RCAN1: variants seen among roughly 807,000 people sequenced by gnomAD.
RCAN1 encodes regulator of calcineurin 1.
A neutral mutation model predicts 22.9 loss-of-function variants in RCAN1; 11 were observed. That is an observed-to-expected ratio of 0.48 (90% CI 0.30 to 0.79). The LOEUF (loss-of-function observed/expected upper bound fraction) is 0.79. Ranked by LOEUF, RCAN1 falls within the 30% of genes least tolerant of loss-of-function variation. RCAN1 has a pLI of 0.06. For synonymous variants in RCAN1, 136 were observed against 142.3 expected (o/e 0.96, Z 0.32); for missense variants, 291 against 337.8 (o/e 0.86, Z 1.09).
chr21:34,589,118 T>C (rs1987891574), intron 1 of RCAN1, among the ~76,000 whole-genome samples: 1 of 152,218 alleles, frequency 6.6e-6, no homozygotes, highest in Non-Finnish European at 1.5e-5. Flanking sequence ...TAATATTTAA[T>C]ACCTCTGAAC....
chr21:34,595,065 G>A (rs1009432567), intron 1 of RCAN1, among the ~76,000 whole-genome samples: 2 of 152,232 alleles, frequency 1.3e-5, no homozygotes, highest in Non-Finnish European at 2.9e-5. Flanking sequence ...CTGCTTCACA[G>A]GGTTTATGTG....
In RCAN1 at chr21:34,578,833, G is replaced by A. The variant is rs187621538; in HGVS notation, c.252+35927C>T. ...ACAGAGTGGGTCCTCCTGGCCACTC[G>A]GTTGGGCTGTGGTCACACCATGCCT... On this transcript the variant is annotated intron_variant, in intron 1 of 3. Coordinates refer to ENST00000313806, the MANE Select transcript of RCAN1 (RefSeq NM_004414.7). 3.7e-4 allele frequency among the ~76,000 whole-genome samples: 56 copies of A among 152,268 alleles called. 1 individual carries two copies. Among genetic ancestry groups the A allele is most frequent in the Admixed American group, 1.4e-3 (22 of 15,292 alleles).
intron 1 of RCAN1, among the ~76,000 whole-genome samples, chr21:34,610,642 T>C (rs1470028770): frequency 1.3e-5 from 2 of 152,172 alleles, no homozygotes; most frequent in South Asian, 2.1e-4. Context: ...AGCTAACAAT[T>C]AGAATCACCT....
intron 1 of RCAN1, among the ~76,000 whole-genome samples, chr21:34,554,996 G>A (rs894923235): frequency 1.3e-4 from 20 of 152,224 alleles, no homozygotes; most frequent in African/African-American, 4.8e-4. Context: ...CCCACAACAC[G>A]TGGGAATTAT....
At chr21:34,583,177 C>CTTTTTTTT (rs1568922372) in intron 1 of RCAN1, among the ~76,000 whole-genome samples, 1 of 107,034 alleles carries the variant, frequency 9.3e-6, no homozygotes. Flanking sequence ...GGCGATAGGG[C>CTTTTTTTT]CTTTTTTTTT....
intron 1 of RCAN1, among the ~76,000 whole-genome samples, chr21:34,531,929 T>C (rs1985409139): frequency 6.6e-6 from 1 of 152,124 alleles, no homozygotes; most frequent in African/African-American, 2.4e-5. Context: ...TATTCAATGA[T>C]GCCTGCTGAA....
chr21:34,578,929 AT>A (rs570654695), intron 1 of RCAN1, among the ~76,000 whole-genome samples: 44 of 152,268 alleles, frequency 2.9e-4, no homozygotes, highest in African/African-American at 1.1e-3. Context: ...AGGCAAGGTC[AT>A]CTACCCTTTG....
chr21:34,577,177 A>G (rs1987436110), intron 1 of RCAN1, among the ~76,000 whole-genome samples: 1 of 152,250 alleles, frequency 6.6e-6, no homozygotes, highest in Non-Finnish European at 1.5e-5. Context: ...CTGAGACACA[A>G]CAGGGTCCAA....
At chr21:34,552,717 T>A (rs1188443800) in intron 1 of RCAN1, among the ~76,000 whole-genome samples, 1 of 152,054 alleles carries the variant, frequency 6.6e-6, no homozygotes, top group African/African-American at 2.4e-5. Flanking sequence ...TACCAAGCTG[T>A]CATTATTGAA....
At chr21:34,550,914 C>T (rs1007988689) in intron 1 of RCAN1, among the ~76,000 whole-genome samples, 1 of 152,190 alleles carries the variant, frequency 6.6e-6, no homozygotes, top group Non-Finnish European at 1.5e-5. Context: ...GTGGGCAGAG[C>T]TTTATCATAT....
chr21:34,585,065 T>A (rs905750998), intron 1 of RCAN1, among the ~76,000 whole-genome samples: 4 of 152,198 alleles, frequency 2.6e-5, no homozygotes, highest in South Asian at 2.1e-4. Context: ...TAAAACAAAA[T>A]TTTTTTAGGA....
intron 3 of RCAN1, among the ~76,000 whole-genome samples, chr21:34,520,372 G>A (rs558837834): frequency 7.5e-4 from 114 of 152,222 alleles, no homozygotes; most frequent in African/African-American, 2.5e-3. Context: ...TCATGCCCCC[G>A]GGCCAGGAGC....
intron 1 of RCAN1, among the ~76,000 whole-genome samples, chr21:34,551,051 G>A (rs754289851): frequency 3.9e-5 from 6 of 152,144 alleles, no homozygotes; most frequent in Non-Finnish European, 8.8e-5. Context: ...CTATGACAAC[G>A]ATTAAACTCA....
chr21:34,592,707 A>G (rs1988014460), intron 1 of RCAN1, among the ~76,000 whole-genome samples: 4 of 151,416 alleles, frequency 2.6e-5, no homozygotes. Flanking sequence ...ACAGAACCCA[A>G]TCATCTGTTT....
At chr21:34,550,403 G>A (rs1275192425) in intron 1 of RCAN1, among the ~76,000 whole-genome samples, 1 of 152,194 alleles carries the variant, frequency 6.6e-6, no homozygotes, top group Admixed American at 6.5e-5. Flanking sequence ...GTATTTGGAG[G>A]TAGGGCCTTT....
chr21:34,525,165 G>A (rs1371509322), intron 1 of RCAN1: 24 of 1,550,462 alleles, frequency 1.5e-5, no homozygotes, highest in Non-Finnish European at 8.7e-7. Context: ...GTGTCTTCAG[G>A]AATGTTCACT....
At chr21:34,545,774 G>A (rs180685245) in intron 1 of RCAN1, among the ~76,000 whole-genome samples, 2 of 152,166 alleles carry the variant, frequency 1.3e-5, no homozygotes, top group South Asian at 2.1e-4. Flanking sequence ...ACAAAGTCTC[G>A]CAAGGATTTT....
chr21:34,592,732 T>G (rs1568927067), intron 1 of RCAN1, among the ~76,000 whole-genome samples: 1 of 152,212 alleles, frequency 6.6e-6, no homozygotes, highest in Non-Finnish European at 1.5e-5. Context: ...TGTTTTCCGA[T>G]TCCAAGAAAA....
At chr21:34,585,902 C>T (rs1409607898) in intron 1 of RCAN1, among the ~76,000 whole-genome samples, 1 of 151,960 alleles carries the variant, frequency 6.6e-6, no homozygotes, top group Non-Finnish European at 1.5e-5. Flanking sequence ...GCTGGCACAT[C>T]ATGCAAAATA....
Sources: allele counts gnomAD v4.1 joint callset (sites outside exome capture counted in the v4.1 genomes callset), GRCh38; gene constraint gnomAD v4.1.1; transcripts MANE v1.5; gene names NCBI Gene and HGNC (gene_info 2026-07-23, HGNC 2026-07-21).